The following CLEC4F variants were observed in gnomAD, a reference collection of about 807,000 sequenced individuals.
CLEC4F encodes C-type lectin domain family 4 member F, also known as C-type (calcium dependent, carbohydrate-recognition domain) lectin, superfamily member 13.
Under a neutral mutation model 53.4 loss-of-function variants are expected in CLEC4F, and 45 were observed. The observed-to-expected ratio is 0.84, with a 90% CI of 0.66 to 1.08. The LOEUF is 1.08. Ranked by LOEUF, CLEC4F falls within the 50% of genes least tolerant of loss-of-function variation. The pLI, the probability that CLEC4F is intolerant of heterozygous loss-of-function variation, is 0.00. For synonymous variants in CLEC4F, 245 were observed against 257.5 expected, an observed-to-expected ratio of 0.95 and a Z score of 0.46; for missense variants, 753 against 698.2, an observed-to-expected ratio of 1.08 and a Z score of -0.88.
chr2:70,808,658 G>C lies in CLEC4F; in HGVS notation c.*613C>G, dbSNP rs1264271211. 5.7e-6 allele frequency: 1 copy of C among 174,636 alleles called. No individual in the cohort carries two copies. The highest frequency in any genetic ancestry group is 2.4e-5 in the African/African-American group (1 of 41,954). The allele number at this position is 174,636 out of a possible 1,614,324, so 10.8% of individuals were successfully genotyped here. Reference sequence around the variant, plus strand: ...AGCACGAAGCTTTTGTTGATCCAGCGAGTATTTATTGAGGACCTGCTGTCT... The same window carrying C: ...AGCACGAAGCTTTTGTTGATCCAGCCAGTATTTATTGAGGACCTGCTGTCT... On this transcript the variant is annotated 3_prime_UTR_variant, in exon 7 of 7. Coordinates refer to ENST00000272367, the MANE Select transcript of CLEC4F (RefSeq NM_173535.3).
intron 5 of CLEC4F, among the ~76,000 whole-genome samples, chr2:70,811,947 G>C (rs77019588): frequency 6.6e-6 from 1 of 152,094 alleles, no homozygotes; most frequent in Non-Finnish European, 1.5e-5. Context: ...ACATGGTGTC[G>C]TGCATCTGTA....
intron 5 of CLEC4F, chr2:70,811,069 A>C: frequency 1.5e-6 from 1 of 673,188 alleles, no homozygotes; most frequent in Non-Finnish European, 2.7e-6. Flanking sequence ...ATTGCCATTC[A>C]GAAGACATGC....
In CLEC4F at chr2:70,811,572, G is replaced by C. The variant is rs183060048; in HGVS notation, c.1539+875C>G. ...ACAGTGGTCTCAGGCGAGCCAACAG[G>C]GGGGTAGGCAGTTCTGCAAGTCAAA... On this transcript the variant is annotated intron_variant, in intron 5 of 6. Coordinates refer to ENST00000272367, the MANE Select transcript of CLEC4F (RefSeq NM_173535.3). 1.5e-3 allele frequency: 501 copies of C among 325,152 alleles called. 1 individual carries two copies. Among genetic ancestry groups the C allele is most frequent in the African/African-American group, 9.7e-3 (453 of 46,630 alleles). The allele number at this position is 325,152 out of a possible 1,614,324, so 20.1% of individuals were successfully genotyped here. A position where few individuals can be genotyped will look rare whatever the true frequency, so the allele number is the denominator to read the frequency against.
chr2:70,815,854 G>A (rs1173688968), intron 4 of CLEC4F, 140 bp downstream of exon 4: 2 of 907,666 alleles, frequency 2.2e-6, no homozygotes, highest in East Asian at 5.0e-5. Flanking sequence ...CTCTACAACT[G>A]CCCAGTTTCC....
upstream of CLEC4F, among the ~76,000 whole-genome samples, chr2:70,825,098 T>C (rs2110978): frequency 0.6 from 91,892 of 152,042 alleles, 28,273 homozygotes; most frequent in Middle Eastern, 0.7. Context: ...GTGATGAGAA[T>C]GGCCCTTTAT....
upstream of CLEC4F, among the ~76,000 whole-genome samples, chr2:70,823,789 G>A (rs1220617258): frequency 6.6e-6 from 1 of 152,148 alleles, no homozygotes; most frequent in East Asian, 1.9e-4. Context: ...AGCACTTTGT[G>A]AGGCCGAGGC....
At chr2:70,821,045 T>C (rs2104686036), upstream of CLEC4F, among the ~76,000 whole-genome samples, 1 of 152,272 alleles carries the variant, frequency 6.6e-6, no homozygotes, top group East Asian at 1.9e-4. Context: ...TGAATTATAG[T>C]ATACAGGAGG....
At chr2:70,820,651 C>T, upstream of CLEC4F, 3 of 870,006 alleles carry the variant, frequency 3.4e-6, no homozygotes, top group Admixed American at 8.0e-5. Flanking sequence ...ACCCTCCCAG[C>T]TCTTCCTCCC....
chr2:70,810,138 C>CTT (rs144978548), intron 5 of CLEC4F, among the ~76,000 whole-genome samples: 2,878 of 143,090 alleles, frequency 0.02, 93 homozygotes, highest in African/African-American at 0.071. Flanking sequence ...AGCTCTCACT[C>CTT]TTTTTTTTTT....
chr2:70,824,224 A>G (rs566219309), upstream of CLEC4F, among the ~76,000 whole-genome samples: 158 of 152,040 alleles, frequency 1.0e-3, 1 homozygote, highest in African/African-American at 3.5e-3. Flanking sequence ...AAGTGTCCTG[A>G]TTTTACACCC....
chr2:70,824,603 T>A (rs59993602), upstream of CLEC4F, among the ~76,000 whole-genome samples: 1 of 113,102 alleles, frequency 8.8e-6, no homozygotes, highest in African/African-American at 3.6e-5. Flanking sequence ...TACCAGAAAG[T>A]AAGGAGATGC....
intron 3 of CLEC4F, among the ~76,000 whole-genome samples, chr2:70,817,670 A>G (rs917817653): frequency 1.3e-5 from 2 of 152,224 alleles, no homozygotes; most frequent in Admixed American, 1.3e-4. Context: ...AAGAAAACAC[A>G]AAGGAAAGAA....
At chr2:70,820,975 G>A (rs191753469), upstream of CLEC4F, among the ~76,000 whole-genome samples, 159 of 152,222 alleles carry the variant, frequency 1.0e-3, no homozygotes, top group African/African-American at 3.6e-3. Flanking sequence ...AGGTCAGTGC[G>A]GCCGATATTT....
chr2:70,819,553 A>C, intron 2 of CLEC4F, 109 bp from the exon 3 acceptor site: 13 of 1,068,384 alleles, frequency 1.2e-5, no homozygotes, highest in Non-Finnish European at 1.6e-5. Context: ...AGCAGCAAAG[A>C]CCCTCCCAGG....
rs1677144210 is a variant in CLEC4F, at chr2:70,819,910, T to C, written c.62-19A>G. On this transcript the variant is annotated intron_variant, in intron 1 of 6. Transcript: ENST00000272367. ...TCCACCTCTGCAGGGGAGAAGGCAGTGTCCAAGGTGAGAGGGTGCTGTGCA... is the reference window on the plus strand; with the variant it reads ...TCCACCTCTGCAGGGGAGAAGGCAGCGTCCAAGGTGAGAGGGTGCTGTGCA... 5 of 1,519,556 alleles carry C rather than the reference T, an allele frequency of 3.3e-6. No homozygotes were observed. The highest frequency in any genetic ancestry group is 1.4e-5 in the African/African-American group (1 of 72,276). The allele number at this position is 1,519,556 out of a possible 1,614,324, so 94.1% of individuals were successfully genotyped here.
chr2:70,815,669 T>A (rs1305192039), intron 4 of CLEC4F, among the ~76,000 whole-genome samples: 1 of 152,158 alleles, frequency 6.6e-6, no homozygotes, highest in Non-Finnish European at 1.5e-5. Flanking sequence ...AGTAACAGGC[T>A]CAAGGTCATA....
chr2:70,819,863 T>A lies in CLEC4F; in HGVS notation c.90A>T (p.Ala30=). ...GAACGAGCCTCGGTATCTTGGGGGC[T>A]GCAGGAGCCATTGCCACAGAGTCCA... The part of the protein sequence containing the change: ...QEVDSVAMAP[A]APKIPRLVQA... Residue 30 remains alanine, a synonymous_variant, in exon 2 of 7, where the codon GCA becomes GCT. Coordinates refer to ENST00000272367, the MANE Select transcript of CLEC4F (RefSeq NM_173535.3). The A allele has an allele frequency of 6.2e-7, 1 of 1,602,608 alleles. No homozygotes were observed. Among genetic ancestry groups the A allele is most frequent in the Non-Finnish European group, 8.5e-7 (1 of 1,175,162 alleles).
chr2:70,818,278 CATATGGACAATCGA>C (rs1250357594), intron 3 of CLEC4F, among the ~76,000 whole-genome samples: 2 of 152,208 alleles, frequency 1.3e-5, no homozygotes, highest in Non-Finnish European at 2.9e-5. Context: ...GACCCCCACA[CATATGGACAATCGA>C]ATTTCAACAA....
rs114543072 is a variant in CLEC4F, at chr2:70,813,974, C to A, written c.1388-1376G>T. ...GATTACAGGCGTAAGCCACTGTGCC[C>A]CGTCTGGAGCTGAGTCTTAAGGGAC... On this transcript the variant is annotated intron_variant, in intron 4 of 6. Coordinates refer to ENST00000272367, the MANE Select transcript of CLEC4F (RefSeq NM_173535.3). Among the ~76,000 whole-genome samples the A allele has an allele frequency of 9.3e-3, 1,416 of 152,254 alleles. 23 individuals carry two copies. The highest frequency in any genetic ancestry group is 0.032 in the African/African-American group (1,336 of 41,544).
Sources: gnomAD v4.1 joint callset for allele counts (sites outside exome capture counted in the v4.1 genomes callset) on GRCh38, gnomAD v4.1.1 for gene constraint, MANE v1.5 for transcripts, NCBI Gene and HGNC (gene_info 2026-07-23, HGNC 2026-07-21) for gene names.